The following UBR2 variants were observed in gnomAD, a reference collection of about 807,000 sequenced individuals.
UBR2 encodes ubiquitin protein ligase E3 component n-recognin 2.
In UBR2, 92 loss-of-function variants were observed where a neutral mutation model predicts 247.9. The ratio of observed to expected loss-of-function variants is 0.37; its 90% CI spans 0.31 to 0.44. The LOEUF is 0.44. UBR2 is among the 20% of genes least tolerant of loss of function. UBR2 has a pLI of 1.00. For missense variants in UBR2, 1,613 were observed against 2,112.6 expected, an observed-to-expected ratio of 0.76 and a Z score of 4.64; for synonymous variants, 672 against 693.5, an observed-to-expected ratio of 0.97 and a Z score of 0.49.
At chr6:42,643,366 C>T (rs1243085366) in intron 18 of UBR2, among the ~76,000 whole-genome samples, 5 of 152,192 alleles carry the variant, frequency 3.3e-5, no homozygotes, top group East Asian at 1.9e-4. Flanking sequence ...GAGGCTGAGG[C>T]GTGTGGATCA....
chr6:42,577,491 T>C (rs561990939), intron 2 of UBR2, among the ~76,000 whole-genome samples: 34 of 149,480 alleles, frequency 2.3e-4, no homozygotes, highest in Middle Eastern at 6.8e-3. Flanking sequence ...AGGAAAAGAG[T>C]GGTCAAACTT....
chr6:42,613,114 T>A (rs1479862159), intron 8 of UBR2, among the ~76,000 whole-genome samples: 1 of 151,654 alleles, frequency 6.6e-6, no homozygotes, highest in African/African-American at 2.4e-5. Flanking sequence ...AAAAAAAAAA[T>A]TCCAGAGTCT....
At chr6:42,675,776 G>A (rs1009856685) in intron 38 of UBR2, among the ~76,000 whole-genome samples, 27 of 152,140 alleles carry the variant, frequency 1.8e-4, no homozygotes, top group Non-Finnish European at 2.9e-4. Flanking sequence ...CCTGGCCAAC[G>A]TGGCAAAACC....
At chr6:42,683,372 C>T (rs1004209978) in intron 43 of UBR2, among the ~76,000 whole-genome samples, 1 of 152,030 alleles carries the variant, frequency 6.6e-6, no homozygotes, top group East Asian at 1.9e-4. Flanking sequence ...AAATATAACA[C>T]GTCTCCTAGG....
chr6:42,568,889 A>T (rs2151898276), intron 1 of UBR2, among the ~76,000 whole-genome samples: 1 of 152,344 alleles, frequency 6.6e-6, no homozygotes, highest in East Asian at 1.9e-4. Context: ...CAAAATCCAA[A>T]TGTTCCAATG....
chr6:42,644,678 T>A, intron 20 of UBR2, 142 bp downstream of exon 20: 1 of 672,130 alleles, frequency 1.5e-6, no homozygotes, highest in Non-Finnish European at 2.5e-6. Context: ...TTTCTCTTTT[T>A]CTCCCCTCTG....
intron 1 of UBR2, among the ~76,000 whole-genome samples, chr6:42,571,828 A>C (rs573441770): frequency 1.4e-4 from 21 of 151,576 alleles, no homozygotes; most frequent in African/African-American, 4.6e-4. Context: ...TGAGACATTT[A>C]CCTTTGAATG....
intron 4 of UBR2, among the ~76,000 whole-genome samples, chr6:42,595,530 T>A (rs1375241996): frequency 6.6e-6 from 1 of 152,070 alleles, no homozygotes; most frequent in African/African-American, 2.4e-5. Context: ...TGGATCACTT[T>A]AACCCAGGAG....
chr6:42,623,354 C>G (rs1230318609), intron 11 of UBR2, among the ~76,000 whole-genome samples: 2 of 152,100 alleles, frequency 1.3e-5, no homozygotes, highest in African/African-American at 4.8e-5. Flanking sequence ...CCAGCCTGCC[C>G]TCAAATTCCT....
chr6:42,570,564 G>A (rs1318969548), intron 1 of UBR2, among the ~76,000 whole-genome samples: 1 of 152,130 alleles, frequency 6.6e-6, no homozygotes, highest in Non-Finnish European at 1.5e-5. Context: ...GGGAGCATAT[G>A]CATGCCTTTC....
intron 18 of UBR2, 73 bp from the exon 19 acceptor site, chr6:42,644,141 A>G: frequency 3.4e-6 from 5 of 1,477,150 alleles, no homozygotes; most frequent in Non-Finnish European, 4.5e-6. Flanking sequence ...ACTATCTCTC[A>G]CTAATTGTTT....
intron 34 of UBR2, among the ~76,000 whole-genome samples, chr6:42,667,663 T>C (rs1437272094): frequency 2.1e-5 from 3 of 141,132 alleles, no homozygotes; most frequent in African/African-American, 7.8e-5. Flanking sequence ...TTCTTATAGT[T>C]AATAATTACC....
In UBR2 at chr6:42,655,689, TGTA is replaced by T. The variant is rs1562365541; in HGVS notation, c.2842_2844del (p.Val948del). 1.9e-6 allele frequency: 3 copies of T among 1,555,008 alleles called. No homozygotes were observed. In the South Asian group the frequency reaches 3.7e-5, roughly 19 times the overall value. On this transcript the variant is annotated inframe_deletion, in exon 26 of 47. Transcript: ENST00000372901. ...ATTTAGAGAATGTCACGGAAGAGCA[TGTA>T]GTAACATTTACCTTCACTCAGAAGA...
chr6:42,644,387 C>T, intron 19 of UBR2, 51 bp downstream of exon 19: 1 of 1,603,952 alleles, frequency 6.2e-7, no homozygotes. Context: ...AAGCATCTTT[C>T]CTTCTTTTTG....
chr6:42,640,171 T>G (rs1796339264), intron 15 of UBR2, 38 bp from the exon 16 acceptor site: 3 of 1,543,540 alleles, frequency 1.9e-6, no homozygotes, highest in Non-Finnish European at 2.7e-6. Context: ...TGATTTTTAC[T>G]GATAGAAATA....
intron 2 of UBR2, among the ~76,000 whole-genome samples, chr6:42,580,673 G>A (rs904000113): frequency 1.3e-5 from 2 of 151,800 alleles, no homozygotes; most frequent in African/African-American, 4.8e-5. Flanking sequence ...CTGAGTAGCT[G>A]GGACTACAGG....
chr6:42,605,091 C>T (rs534840953), intron 5 of UBR2, among the ~76,000 whole-genome samples: 12 of 152,126 alleles, frequency 7.9e-5, no homozygotes, highest in African/African-American at 2.9e-4. Context: ...TCTCTCCAGA[C>T]CAGACTAGTG....
At chr6:42,625,250 T>C (rs911421610) in intron 11 of UBR2, among the ~76,000 whole-genome samples, 2 of 152,196 alleles carry the variant, frequency 1.3e-5, no homozygotes, top group Non-Finnish European at 2.9e-5. Context: ...ATTTCCTGTT[T>C]CTTGTTTCCC....
At chr6:42,646,840 G>C (rs865792338) in intron 21 of UBR2, among the ~76,000 whole-genome samples, 1 of 149,560 alleles carries the variant, frequency 6.7e-6, no homozygotes, top group African/African-American at 2.5e-5. Flanking sequence ...GAGAGAGAGA[G>C]AGATAGAGTC....
Sources: gnomAD v4.1 joint callset for allele counts (sites outside exome capture counted in the v4.1 genomes callset) on GRCh38, gnomAD v4.1.1 for gene constraint, MANE v1.5 for transcripts, NCBI Gene and HGNC (gene_info 2026-07-23, HGNC 2026-07-21) for gene names.